The following DYNC1I1 variants were observed in gnomAD, a reference collection of about 807,000 sequenced individuals.
DYNC1I1 encodes dynein cytoplasmic 1 intermediate chain 1.
DYNC1I1 carries 43 observed loss-of-function variants against 86.6 expected under a neutral mutation model. That is an observed-to-expected ratio of 0.50 (90% CI 0.39 to 0.64). The LOEUF is 0.64. DYNC1I1 is among the 30% of genes least tolerant of loss of function. The pLI, the probability that DYNC1I1 is intolerant of heterozygous loss-of-function variation, is 0.00. For synonymous variants in DYNC1I1, 262 were observed against 283.7 expected, an observed-to-expected ratio of 0.92 and a Z score of 0.77; for missense variants, 604 against 788.8, an observed-to-expected ratio of 0.77 and a Z score of 2.81.
At position 95,861,334 on chromosome 7, in the gene DYNC1I1, G is replaced by T. The variant is rs572805366; in HGVS notation, c.375-8549G>T. The stretch of plus-strand genomic sequence containing the variant: ...ATTCCTGAAGTGTATTTTAATTCTG[G>T]CTCTTCTGTCTCTTGGTACACGTTC... On this transcript the variant is annotated intron_variant, in intron 5 of 16. Coordinates refer to ENST00000447467, the MANE Select transcript of DYNC1I1 (RefSeq NM_001135556.2). Among the ~76,000 whole-genome samples the T allele has an allele frequency of 7.2e-5, 11 of 152,192 alleles. No homozygotes were observed. In the South Asian group the frequency reaches 2.3e-3, roughly 32 times the overall value.
At chr7:95,967,261 G>A (rs982385192) in intron 6 of DYNC1I1, among the ~76,000 whole-genome samples, 1 of 152,112 alleles carries the variant, frequency 6.6e-6, no homozygotes, top group Non-Finnish European at 1.5e-5. Context: ...TGAACAAAAG[G>A]TTGTAGGAAA....
intron 6 of DYNC1I1, among the ~76,000 whole-genome samples, chr7:95,974,195 C>T (rs1017212460): frequency 6.6e-6 from 1 of 152,126 alleles, no homozygotes; most frequent in African/African-American, 2.4e-5. Context: ...TAGCATTTGT[C>T]TGACACAGTA....
chr7:95,931,777 G>T (rs900021320), intron 6 of DYNC1I1, among the ~76,000 whole-genome samples: 1 of 152,100 alleles, frequency 6.6e-6, no homozygotes, highest in African/African-American at 2.4e-5. Flanking sequence ...ACTGACTAGC[G>T]CTTTACAGAA....
At chr7:95,960,621 G>C (rs1792841524) in intron 6 of DYNC1I1, among the ~76,000 whole-genome samples, 1 of 152,226 alleles carries the variant, frequency 6.6e-6, no homozygotes, top group African/African-American at 2.4e-5. Context: ...AAGAGTGATA[G>C]AAACTTGAGG....
intron 6 of DYNC1I1, among the ~76,000 whole-genome samples, chr7:95,887,266 A>T (rs1047273524): frequency 3.3e-5 from 5 of 152,170 alleles, no homozygotes; most frequent in African/African-American, 9.7e-5. Context: ...GTAATTAGAA[A>T]GCACAGCCGG....
At chr7:95,872,551 T>G (rs1458725861) in intron 6 of DYNC1I1, among the ~76,000 whole-genome samples, 1 of 152,190 alleles carries the variant, frequency 6.6e-6, no homozygotes, top group African/African-American at 2.4e-5. Flanking sequence ...CTTTCTGTAC[T>G]GTGCACCGTA....
At chr7:96,005,034 A>G (rs897649813) in intron 10 of DYNC1I1, among the ~76,000 whole-genome samples, 3 of 152,282 alleles carry the variant, frequency 2.0e-5, no homozygotes, top group East Asian at 3.9e-4. Flanking sequence ...ACCAAGAAAA[A>G]GTAAAAAGAG....
chr7:95,830,290 A>C (rs1009553297), intron 5 of DYNC1I1, among the ~76,000 whole-genome samples: 6 of 152,124 alleles, frequency 3.9e-5, no homozygotes, highest in Non-Finnish European at 8.8e-5. Context: ...CCATGAAATT[A>C]TTACCACAAT....
chr7:96,076,131 T>C lies in DYNC1I1; in HGVS notation c.1584T>C (p.Pro528=). The change falls in exon 15 of 17, where the codon CCT becomes CCC. Residue 528 remains proline, a synonymous_variant. Coordinates refer to ENST00000447467, the MANE Select transcript of DYNC1I1 (RefSeq NM_001135556.2). ...VYDVMWSPVH[P]ALFACVDGMG... Reference sequence around the variant, plus strand: ...ATGTCATGTGGTCCCCCGTGCATCCTGCGCTTTTTGCCTGCGTGGACGGGA... The same window carrying C: ...ATGTCATGTGGTCCCCCGTGCATCCCGCGCTTTTTGCCTGCGTGGACGGGA... 6.2e-7 allele frequency: 1 copy of C among 1,614,178 alleles called. No individual in the cohort carries two copies. The highest frequency in any genetic ancestry group is 8.5e-7 in the Non-Finnish European group (1 of 1,180,014).
chr7:95,883,911 T>C (rs1430227760), intron 6 of DYNC1I1, among the ~76,000 whole-genome samples: 1 of 152,200 alleles, frequency 6.6e-6, no homozygotes, highest in East Asian at 1.9e-4. Context: ...TTGGAAAATA[T>C]CAATGATAGA....
At chr7:95,918,255 C>T (rs1042603269) in intron 6 of DYNC1I1, among the ~76,000 whole-genome samples, 4 of 152,152 alleles carry the variant, frequency 2.6e-5, no homozygotes, top group Admixed American at 2.0e-4. Context: ...CTTTATGCCA[C>T]TTCACACCTT....
chr7:95,969,218 G>A (rs1299078686), intron 6 of DYNC1I1, among the ~76,000 whole-genome samples: 1 of 152,138 alleles, frequency 6.6e-6, no homozygotes, highest in Non-Finnish European at 1.5e-5. Context: ...ATGACTTTCT[G>A]AGAAATCTTG....
intron 10 of DYNC1I1, among the ~76,000 whole-genome samples, chr7:96,003,755 A>G (rs1414920705): frequency 6.6e-6 from 1 of 151,994 alleles, no homozygotes; most frequent in Admixed American, 6.6e-5. Context: ...GAGTGGACAG[A>G]GGCCACTACC....
chr7:95,988,888 A>G (rs896734188), intron 9 of DYNC1I1, among the ~76,000 whole-genome samples: 1 of 152,192 alleles, frequency 6.6e-6, no homozygotes, highest in Non-Finnish European at 1.5e-5. Context: ...TATTTGAAGA[A>G]GTTGAGGCTC....
chr7:95,790,598 T>G (rs1794274255), intron 1 of DYNC1I1, among the ~76,000 whole-genome samples: 1 of 152,258 alleles, frequency 6.6e-6, no homozygotes, highest in Non-Finnish European at 1.5e-5. Flanking sequence ...CCTCAGCTGT[T>G]ATATTCTTTA....
At chr7:95,870,762 C>T (rs1421289641) in intron 6 of DYNC1I1, among the ~76,000 whole-genome samples, 2 of 152,104 alleles carry the variant, frequency 1.3e-5, no homozygotes, top group Non-Finnish European at 2.9e-5. Context: ...TGAGAGAAGT[C>T]GAAGTTGATA....
Position 95,813,323 on chromosome 7 carries a change from G to A in DYNC1I1, c.300G>A (p.Leu100=). ...SEAGSQDSGD[L]GPLTRTLQWD... ...CTGGAAGCCAAGACTCAGGCGATCT[G>A]GGGCCATTAACAAGGTAAGAATTGT... Residue 100 remains leucine, a synonymous_variant, in exon 4 of 17, where the codon CTG becomes CTA. Transcript: ENST00000447467. The A allele has an allele frequency of 6.2e-7, 1 of 1,612,278 alleles. No individual in the cohort carries two copies. The highest frequency in any genetic ancestry group is 1.1e-5 in the South Asian group (1 of 91,042).
At chr7:96,104,609 T>C (rs1377901642) in intron 16 of DYNC1I1, among the ~76,000 whole-genome samples, 1 of 152,132 alleles carries the variant, frequency 6.6e-6, no homozygotes, top group Non-Finnish European at 1.5e-5. Flanking sequence ...TTTGGCAATA[T>C]TTTCTGAAGA....
intron 5 of DYNC1I1, among the ~76,000 whole-genome samples, chr7:95,864,846 T>C (rs1194610454): frequency 6.6e-6 from 1 of 152,056 alleles, no homozygotes; most frequent in South Asian, 2.1e-4. Context: ...TGGGATCTGA[T>C]GGCAGGGTGG....
Sources: allele counts gnomAD v4.1 joint callset (sites outside exome capture counted in the v4.1 genomes callset), GRCh38; gene constraint gnomAD v4.1.1; transcripts MANE v1.5; gene names NCBI Gene and HGNC (gene_info 2026-07-23, HGNC 2026-07-21).